Variants in CTNND2 observed in about 807,000 individuals in gnomAD.
CTNND2 encodes catenin delta 2.
CTNND2 carries 22 observed loss-of-function variants against 144.4 expected under a neutral mutation model. The observed-to-expected ratio is 0.15, with a 90% confidence interval of 0.11 to 0.22. The LOEUF (loss-of-function observed/expected upper bound fraction) is 0.22. Ranked by LOEUF, CTNND2 falls within the 10% of genes least tolerant of loss-of-function variation. The pLI is 1.00. For synonymous variants in CTNND2, 751 were observed against 695.6 expected, an observed-to-expected ratio of 1.08 and a Z score of -1.25; for missense variants, 1,353 against 1,618.8, an observed-to-expected ratio of 0.84 and a Z score of 2.82.
At chr5:11,419,836 T>G (rs1263574485) in intron 3 of CTNND2, among the ~76,000 whole-genome samples, 1 of 152,240 alleles carries the variant, frequency 6.6e-6, no homozygotes, top group Non-Finnish European at 1.5e-5. Flanking sequence ...AAATATACTC[T>G]TATTGTCTTT....
At chr5:11,036,610 A>G (rs764104740) in intron 16 of CTNND2, among the ~76,000 whole-genome samples, 1 of 152,204 alleles carries the variant, frequency 6.6e-6, no homozygotes, top group Non-Finnish European at 1.5e-5. Flanking sequence ...TTTGGTAGAA[A>G]TGGGATTTCA....
chr5:11,531,414 T>G (rs996018688), intron 3 of CTNND2, among the ~76,000 whole-genome samples: 1 of 151,984 alleles, frequency 6.6e-6, no homozygotes, highest in African/African-American at 2.4e-5. Flanking sequence ...TATCCTGAGA[T>G]CAGGAGTTCG....
intron 1 of CTNND2, among the ~76,000 whole-genome samples, chr5:11,803,901 A>G (rs943330503): frequency 6.6e-6 from 1 of 152,080 alleles, no homozygotes; most frequent in Non-Finnish European, 1.5e-5. Flanking sequence ...TAGTCAGTAA[A>G]AAATCTTACT....
At chr5:11,868,667 A>C (rs1795889042) in intron 1 of CTNND2, among the ~76,000 whole-genome samples, 1 of 152,154 alleles carries the variant, frequency 6.6e-6, no homozygotes, top group Non-Finnish European at 1.5e-5. Context: ...TGAGGGATCT[A>C]AGTTCATGAA....
intron 2 of CTNND2, among the ~76,000 whole-genome samples, chr5:11,591,112 G>A (rs1478090617): frequency 2.0e-5 from 3 of 152,130 alleles, no homozygotes; most frequent in Non-Finnish European, 4.4e-5. Context: ...GCAGACAAAT[G>A]TCCCCATTAT....
At chr5:11,059,657 T>G (rs576825033) in intron 16 of CTNND2, among the ~76,000 whole-genome samples, 1 of 152,190 alleles carries the variant, frequency 6.6e-6, no homozygotes, top group African/African-American at 2.4e-5. Flanking sequence ...AGAATCACCA[T>G]GATTTCCCAT....
intron 18 of CTNND2, among the ~76,000 whole-genome samples, chr5:11,002,071 A>T (rs1740016166): frequency 6.6e-6 from 1 of 152,198 alleles, no homozygotes; most frequent in African/African-American, 2.4e-5. Flanking sequence ...TCCATAGGGG[A>T]ATCAGGAAAC....
At chr5:11,672,188 C>A (rs1428382851) in intron 2 of CTNND2, among the ~76,000 whole-genome samples, 3 of 152,190 alleles carry the variant, frequency 2.0e-5, no homozygotes, top group Non-Finnish European at 2.9e-5. Flanking sequence ...CAGATGCCAG[C>A]CAGAGCTCTC....
chr5:11,807,303 TA>T (rs1792057175), intron 1 of CTNND2, among the ~76,000 whole-genome samples: 1 of 152,190 alleles, frequency 6.6e-6, no homozygotes. Context: ...TGTGTCCAAT[TA>T]AACATTATCT....
At chr5:11,872,588 A>T (rs537758510) in intron 1 of CTNND2, among the ~76,000 whole-genome samples, 1 of 152,310 alleles carries the variant, frequency 6.6e-6, no homozygotes, top group African/African-American at 2.4e-5. Flanking sequence ...AACTGGCATG[A>T]GATGGTATGT....
chr5:11,547,230 C>T (rs1208103220), intron 3 of CTNND2, among the ~76,000 whole-genome samples: 2 of 150,422 alleles, frequency 1.3e-5, no homozygotes, highest in Admixed American at 6.6e-5. Flanking sequence ...ATCACGCCAC[C>T]GCACTCTGGC....
Position 11,121,876 on chromosome 5 carries a change from C to T in CTNND2, c.2160-4309G>A, listed in dbSNP as rs1754178992. ...GGTAATCAATGTATTTGTAATTAGCCTCTCCCTTCACACACTCTTAGCTCT... is the reference window on the plus strand; with the variant it reads ...GGTAATCAATGTATTTGTAATTAGCTTCTCCCTTCACACACTCTTAGCTCT... On this transcript the variant is annotated intron_variant, in intron 12 of 21. Coordinates refer to ENST00000304623, the MANE Select transcript of CTNND2 (RefSeq NM_001332.4). Among the ~76,000 whole-genome samples, 3 of 152,156 alleles carry T rather than the reference C, an allele frequency of 2.0e-5. No individual in the cohort carries two copies. The South Asian group carries it at 6.2e-4, about 32-fold the overall frequency.
chr5:11,699,590 T>C (rs58481549), intron 2 of CTNND2, among the ~76,000 whole-genome samples: 1,808 of 152,168 alleles, frequency 0.012, 28 homozygotes, highest in African/African-American at 0.042. Context: ...GGGGATATCA[T>C]GAATTGCAGA....
At chr5:11,497,780 T>C (rs1046355239) in intron 3 of CTNND2, among the ~76,000 whole-genome samples, 1 of 151,792 alleles carries the variant, frequency 6.6e-6, no homozygotes, top group Non-Finnish European at 1.5e-5. Context: ...TGTAGGGAAA[T>C]GGTTTTGTGA....
chr5:11,334,753 A>T (rs1753567034), intron 9 of CTNND2, among the ~76,000 whole-genome samples: 1 of 152,202 alleles, frequency 6.6e-6, no homozygotes, highest in Non-Finnish European at 1.5e-5. Flanking sequence ...GGTTTCTTGC[A>T]AATGTCTCAG....
chr5:10,986,377 C>CAGTCGATCTCACA (rs1435816841), intron 20 of CTNND2, among the ~76,000 whole-genome samples: 2 of 152,190 alleles, frequency 1.3e-5, no homozygotes, highest in Admixed American at 1.3e-4. Flanking sequence ...AATAATAATG[C>CAGTCGATCTCACA]AGTCGATCTC....
intron 3 of CTNND2, among the ~76,000 whole-genome samples, chr5:11,418,645 A>C (rs565510256): frequency 7.0e-4 from 106 of 152,304 alleles, no homozygotes; most frequent in African/African-American, 2.5e-3. Context: ...GACGAAGATG[A>C]AGCCTGCAGT....
intron 1 of CTNND2, among the ~76,000 whole-genome samples, chr5:11,886,758 T>TA: frequency 6.6e-6 from 1 of 152,272 alleles, no homozygotes. Context: ...AGATGATTCA[T>TA]AAAATAAAGA....
chr5:11,678,481 T>A (rs79109997), intron 2 of CTNND2, among the ~76,000 whole-genome samples: 3,616 of 151,876 alleles, frequency 0.024, 44 homozygotes, highest in East Asian at 0.057. Flanking sequence ...GACGATGGAG[T>A]CTTTGATAGG....
Sources: allele counts gnomAD v4.1 joint callset (sites outside exome capture counted in the v4.1 genomes callset), GRCh38; gene constraint gnomAD v4.1.1; transcripts MANE v1.5; gene names NCBI Gene and HGNC (gene_info 2026-07-23, HGNC 2026-07-21).